Variants in PTPRT observed in about 807,000 individuals in gnomAD.
The protein encoded by PTPRT is protein tyrosine phosphatase receptor type T.
PTPRT carries 56 observed loss-of-function variants against 176.8 expected under a neutral mutation model. The observed-to-expected ratio is 0.32, with a 90% CI of 0.26 to 0.40. PTPRT has a LOEUF of 0.40. Among genes scored for constraint, PTPRT ranks in the 10% least tolerant of loss-of-function variants. The probability of loss-of-function intolerance (pLI) is 1.00; values close to 1 mark genes in which losing one functional copy is unlikely to be tolerated. For missense variants in PTPRT, 1,540 were observed against 1,908.2 expected, an observed-to-expected ratio of 0.81 and a Z score of 3.60; for synonymous variants, 783 against 739.0, an observed-to-expected ratio of 1.06 and a Z score of -0.96.
intron 7 of PTPRT, among the ~76,000 whole-genome samples, chr20:42,530,955 A>G (rs1204385194): frequency 1.3e-5 from 2 of 152,228 alleles, no homozygotes; most frequent in African/African-American, 4.8e-5. Flanking sequence ...CTTGAACCCA[A>G]TACAAAACAC....
intron 7 of PTPRT, among the ~76,000 whole-genome samples, chr20:42,474,364 T>C (rs1469625178): frequency 6.6e-6 from 1 of 152,036 alleles, no homozygotes; most frequent in East Asian, 1.9e-4. Context: ...TGTGTCGGCG[T>C]CCTACCAAGG....
intron 7 of PTPRT, among the ~76,000 whole-genome samples, chr20:42,582,544 C>G (rs1051897848): frequency 6.6e-6 from 1 of 152,164 alleles, no homozygotes; most frequent in Non-Finnish European, 1.5e-5. Flanking sequence ...CTATCCCTCA[C>G]GTGGGTTGAG....
At chr20:42,627,039 CT>C (rs1185827898) in intron 7 of PTPRT, among the ~76,000 whole-genome samples, 2 of 151,970 alleles carry the variant, frequency 1.3e-5, no homozygotes, top group African/African-American at 2.4e-5. Flanking sequence ...GTATCTTTTA[CT>C]TTTTTTTGTC....
intron 5 of PTPRT, 62 bp downstream of exon 5, chr20:42,771,373 C>T (rs1481010250): frequency 7.0e-7 from 1 of 1,426,082 alleles, no homozygotes; most frequent in East Asian, 2.3e-5. Flanking sequence ...CTGCTTCCTT[C>T]CAGTCCTTCT....
chr20:43,097,154 AG>A (rs1278387174), intron 1 of PTPRT, among the ~76,000 whole-genome samples: 4 of 152,322 alleles, frequency 2.6e-5, no homozygotes, highest in Admixed American at 2.6e-4. Context: ...AGCAATGCAC[AG>A]TAAGGGAGCC....
intron 1 of PTPRT, among the ~76,000 whole-genome samples, chr20:42,959,821 T>G (rs1184413144): frequency 6.6e-6 from 1 of 152,116 alleles, no homozygotes; most frequent in Non-Finnish European, 1.5e-5. Flanking sequence ...AAAGATTTCC[T>G]AAGTCCTTAG....
At chr20:42,556,649 A>C (rs996038287) in intron 7 of PTPRT, among the ~76,000 whole-genome samples, 4 of 152,146 alleles carry the variant, frequency 2.6e-5, no homozygotes, top group Admixed American at 6.5e-5. Context: ...AGAAGAGCAG[A>C]TTAGAATCAA....
intron 15 of PTPRT, among the ~76,000 whole-genome samples, chr20:42,204,975 T>TTA: frequency 1.5e-5 from 1 of 65,858 alleles, no homozygotes; most frequent in Admixed American, 2.0e-4. Context: ...AAGGAATTTC[T>TTA]TTTTTTTTTT....
intron 6 of PTPRT, chr20:42,687,481 T>C (rs1159122303): frequency 6.6e-6 from 1 of 152,262 alleles, no homozygotes; most frequent in Non-Finnish European, 1.5e-5. Flanking sequence ...GATTACTCTT[T>C]GCTGGGCCAC....
At chr20:43,182,242 G>C (rs1363518468) in intron 1 of PTPRT, among the ~76,000 whole-genome samples, 1 of 152,102 alleles carries the variant, frequency 6.6e-6, no homozygotes, top group Non-Finnish European at 1.5e-5. Flanking sequence ...CAAAATGAGG[G>C]GTGGTCTGAG....
intron 17 of PTPRT, among the ~76,000 whole-genome samples, chr20:42,155,144 A>T (rs978989851): frequency 7.9e-5 from 12 of 152,198 alleles, no homozygotes; most frequent in Admixed American, 3.3e-4. Context: ...ATGTGGCTGT[A>T]CACTGAAGTA....
intron 12 of PTPRT, among the ~76,000 whole-genome samples, chr20:42,283,953 G>C (rs1474256137): frequency 6.6e-6 from 1 of 152,010 alleles, no homozygotes; most frequent in Non-Finnish European, 1.5e-5. Context: ...CAATAGTCTT[G>C]ATTCTTTTCC....
intron 19 of PTPRT, among the ~76,000 whole-genome samples, chr20:42,124,599 G>T (rs780467576): frequency 6.6e-6 from 1 of 152,232 alleles, no homozygotes; most frequent in Non-Finnish European, 1.5e-5. Flanking sequence ...GTAGAGAAAT[G>T]ATTCTAGCAT....
intron 2 of PTPRT, among the ~76,000 whole-genome samples, chr20:42,795,578 A>T (rs2077442875): frequency 2.0e-5 from 3 of 152,250 alleles, no homozygotes; most frequent in Non-Finnish European, 4.4e-5. Flanking sequence ...TTGGGCACCA[A>T]GAGCTCAGCA....
intron 2 of PTPRT, among the ~76,000 whole-genome samples, chr20:42,857,428 A>C (rs1363809192): frequency 6.6e-6 from 1 of 152,040 alleles, no homozygotes; most frequent in Non-Finnish European, 1.5e-5. Context: ...ATTTCCATCC[A>C]TATCTCTCAG....
rs2076256739 is a variant in PTPRT at position 42,718,369 on chromosome 20, C to T, written c.859+38093G>A. On this transcript the variant is annotated intron_variant, in intron 6 of 30. Coordinates refer to ENST00000373187, the MANE Select transcript of PTPRT (RefSeq NM_007050.6). The stretch of plus-strand genomic sequence containing the variant: ...TGGCTAACACGGTGAAACCCCATCT[C>T]CACTAAAAATACAAAAAATCAGCCG... 2.6e-5 allele frequency among the ~76,000 whole-genome samples: 4 copies of T among 152,086 alleles called. No individual in the cohort carries two copies. In the South Asian group the frequency reaches 8.3e-4, roughly 31 times the overall value.
chr20:42,957,485 G>C (rs1439832061), intron 1 of PTPRT, among the ~76,000 whole-genome samples: 1 of 152,148 alleles, frequency 6.6e-6, no homozygotes, highest in African/African-American at 2.4e-5. Flanking sequence ...CTGCTGGAGA[G>C]AGACGCCAGA....
At chr20:42,233,536 G>C (rs1029065177) in intron 15 of PTPRT, among the ~76,000 whole-genome samples, 2 of 152,172 alleles carry the variant, frequency 1.3e-5, no homozygotes, top group Non-Finnish European at 2.9e-5. Context: ...TGTGGTGGTG[G>C]TTTCCTATTC....
intron 7 of PTPRT, among the ~76,000 whole-genome samples, chr20:42,541,760 T>C (rs1259997300): frequency 6.6e-6 from 1 of 151,638 alleles, no homozygotes; most frequent in Non-Finnish European, 1.5e-5. Flanking sequence ...AAGCCCAGTG[T>C]GATACAAAAC....
Sources: gnomAD v4.1 joint callset for allele counts (sites outside exome capture counted in the v4.1 genomes callset) on GRCh38, gnomAD v4.1.1 for gene constraint, MANE v1.5 for transcripts, NCBI Gene and HGNC (gene_info 2026-07-23, HGNC 2026-07-21) for gene names.